The following SLIT3 variants were observed in gnomAD, a reference collection of about 807,000 sequenced individuals.
The protein encoded by SLIT3 is slit guidance ligand 3.
Under a neutral mutation model 184.0 loss-of-function variants are expected in SLIT3, and 68 were observed. That is an observed-to-expected ratio of 0.37 (90% CI 0.30 to 0.45). The LOEUF is 0.45. Ranked by LOEUF, SLIT3 falls within the 20% of genes least tolerant of loss-of-function variation. SLIT3 has a pLI of 1.00. For missense variants in SLIT3, 1,707 were observed against 2,026.0 expected, an observed-to-expected ratio of 0.84 and a Z score of 3.02; for synonymous variants, 831 against 828.6, an observed-to-expected ratio of 1.00 and a Z score of -0.05.
intron 29 of SLIT3, among the ~76,000 whole-genome samples, chr5:168,690,645 CG>C (rs1761879794): frequency 6.6e-6 from 1 of 152,090 alleles, no homozygotes; most frequent in Admixed American, 6.5e-5. Flanking sequence ...TGGAAGTAGG[CG>C]GGGAGGTCCT....
rs536077011 is a variant in SLIT3, at chr5:168,857,148, C to T, written c.486-12493G>A. 3.9e-5 allele frequency among the ~76,000 whole-genome samples: 6 copies of T among 152,226 alleles called. 1 individual carries two copies. The highest frequency in any genetic ancestry group is 1.4e-4 in the African/African-American group (6 of 41,546). On this transcript the variant is annotated intron_variant, in intron 5 of 35. Transcript: ENST00000519560. ...TACTTGGGGACCACCTGGGCAAAGG[C>T]CAGCTCTACCCACAAGCTTCCAGGT... is the stretch of plus-strand genomic sequence containing the variant.
intron 4 of SLIT3, among the ~76,000 whole-genome samples, chr5:169,016,875 A>T (rs1289522716): frequency 6.6e-6 from 1 of 152,208 alleles, no homozygotes; most frequent in Admixed American, 6.5e-5. Context: ...TGGAGTTTGT[A>T]TCATTTTTAC....
At chr5:169,155,511 T>C (rs73802497) in intron 4 of SLIT3, among the ~76,000 whole-genome samples, 15,796 of 152,136 alleles carry the variant, frequency 0.1, 858 homozygotes, top group Non-Finnish European at 0.11. Context: ...TCCCCAAATA[T>C]AAAGAGATCT....
intron 3 of SLIT3, among the ~76,000 whole-genome samples, chr5:169,211,813 T>G (rs566444811): frequency 2.0e-5 from 3 of 152,044 alleles, no homozygotes; most frequent in Non-Finnish European, 4.4e-5. Context: ...AGACGGCCCG[T>G]GTGTGATGTT....
At position 169,129,507 on chromosome 5, in the gene SLIT3, G is replaced by A. The variant is rs560928151; in HGVS notation, c.413+63972C>T. On this transcript the variant is annotated intron_variant, in intron 4 of 35. Coordinates refer to ENST00000519560, the MANE Select transcript of SLIT3 (RefSeq NM_003062.4). ...GCAGAGATTGCAGTGAGACGAGATT[G>A]CGCCATTGCACTCCAGCCTGGGCAA... Among the ~76,000 whole-genome samples, 21 of 152,202 alleles carry A rather than the reference G, an allele frequency of 1.4e-4. 1 individual carries two copies. The South Asian group carries it at 4.4e-3, about 32-fold the overall frequency.
chr5:168,876,950 T>C (rs1347191018), intron 5 of SLIT3, among the ~76,000 whole-genome samples: 2 of 152,230 alleles, frequency 1.3e-5, no homozygotes, highest in East Asian at 3.8e-4. Flanking sequence ...TAACAATGTG[T>C]ATGATTTCTG....
At position 168,787,007 on chromosome 5, in the gene SLIT3, G is replaced by A. The variant is rs143534844; in HGVS notation, c.1080-1029C>T. The stretch of plus-strand genomic sequence containing the variant: ...CCAGGCTGTAATCCTTCTTTGAGGA[G>A]ACAAAATATTAGGATGCGGAAATGG... On this transcript the variant is annotated intron_variant, in intron 11 of 35. Transcript: ENST00000519560. Among the ~76,000 whole-genome samples the A allele has an allele frequency of 9.1e-3, 1,385 of 152,264 alleles. 10 individuals carry two copies. Among genetic ancestry groups the A allele is most frequent in the Middle Eastern group, 0.031 (9 of 294 alleles).
chr5:169,262,402 AAAG>A (rs1766223448), intron 1 of SLIT3, among the ~76,000 whole-genome samples: 1 of 152,140 alleles, frequency 6.6e-6, no homozygotes, highest in Non-Finnish European at 1.5e-5. Flanking sequence ...ACTAGAAGGA[AAAG>A]AAGGATCCAG....
chr5:168,842,967 C>T (rs62378540), intron 6 of SLIT3, among the ~76,000 whole-genome samples: 1,979 of 152,274 alleles, frequency 0.013, 21 homozygotes, highest in South Asian at 0.023. Context: ...CCTTCTCAGC[C>T]CCAGCCTCCT....
intron 4 of SLIT3, among the ~76,000 whole-genome samples, chr5:169,081,265 ACAG>A (rs1227674218): frequency 6.6e-6 from 1 of 152,196 alleles, no homozygotes; most frequent in African/African-American, 2.4e-5. Context: ...TAGGGGGTAC[ACAG>A]CAGGGTGGGA....
chr5:168,860,125 G>A (rs1007277410), intron 5 of SLIT3, among the ~76,000 whole-genome samples: 5 of 152,018 alleles, frequency 3.3e-5, no homozygotes, highest in African/African-American at 1.2e-4. Context: ...AAATGCCACC[G>A]TTGAAAGTGA....
intron 9 of SLIT3, among the ~76,000 whole-genome samples, chr5:168,802,849 G>A (rs964141530): frequency 5.9e-5 from 9 of 152,118 alleles, no homozygotes; most frequent in Non-Finnish European, 1.0e-4. Context: ...TACTATATTC[G>A]TTCACCTAAC....
At chr5:169,284,075 TA>T (rs1452451607) in intron 1 of SLIT3, among the ~76,000 whole-genome samples, 5 of 151,592 alleles carry the variant, frequency 3.3e-5, no homozygotes, top group Admixed American at 6.6e-5. Flanking sequence ...AACAATGCTG[TA>T]AAAAAAAGGC....
rs868234743 is a variant in SLIT3, at chr5:169,085,899, A to G, written c.413+107580T>C. 3.3e-5 allele frequency among the ~76,000 whole-genome samples: 5 copies of G among 152,264 alleles called. No homozygotes were observed. In the South Asian group the frequency reaches 8.3e-4, roughly 25 times the overall value. Reference sequence around the variant, plus strand: ...CTTGCCACCTTTCAAAGCTGGTCCAACGTTGGTGTCTTTGACCTCCATCTG... The same window carrying G: ...CTTGCCACCTTTCAAAGCTGGTCCAGCGTTGGTGTCTTTGACCTCCATCTG... On this transcript the variant is annotated intron_variant, in intron 4 of 35. Coordinates refer to ENST00000519560, the MANE Select transcript of SLIT3 (RefSeq NM_003062.4).
intron 1 of SLIT3, among the ~76,000 whole-genome samples, chr5:169,253,263 G>A (rs907388633): frequency 1.3e-5 from 2 of 152,144 alleles, no homozygotes; most frequent in Non-Finnish European, 2.9e-5. Context: ...ATATGACAAT[G>A]CAACCAAGGG....
At chr5:168,686,437 T>C (rs140083533) in intron 30 of SLIT3, among the ~76,000 whole-genome samples, 2 of 152,340 alleles carry the variant, frequency 1.3e-5, no homozygotes, top group East Asian at 1.9e-4. Flanking sequence ...CCCAACAGCA[T>C]GGTTGAATCT....
chr5:168,781,041 G>A lies in SLIT3; in HGVS notation c.1151+4866C>T, dbSNP rs145555076. Among the ~76,000 whole-genome samples the A allele has an allele frequency of 4.5e-3, 679 of 152,346 alleles. 5 individuals are homozygous for A. The highest frequency in any genetic ancestry group is 6.3e-3 in the Non-Finnish European group (427 of 68,032). On this transcript the variant is annotated intron_variant, in intron 12 of 35. Transcript: ENST00000519560. ...AACAGTGGCTCTTCCCTTCTCTCCT[G>A]TTGGTGACTGCACTGCTTGTCAATG...
At chr5:168,853,502 T>A (rs1758750582) in intron 5 of SLIT3, among the ~76,000 whole-genome samples, 1 of 152,222 alleles carries the variant, frequency 6.6e-6, no homozygotes, top group Admixed American at 6.5e-5. Flanking sequence ...GTGGCTCACA[T>A]GATAAATTGT....
intron 5 of SLIT3, among the ~76,000 whole-genome samples, chr5:168,858,656 C>G (rs1758991867): frequency 6.6e-6 from 1 of 152,240 alleles, no homozygotes; most frequent in African/African-American, 2.4e-5. Flanking sequence ...CCTCCTGGCC[C>G]TTGGAAGCCT....
Sources: allele counts gnomAD v4.1 joint callset (sites outside exome capture counted in the v4.1 genomes callset), GRCh38; gene constraint gnomAD v4.1.1; transcripts MANE v1.5; gene names NCBI Gene and HGNC (gene_info 2026-07-23, HGNC 2026-07-21).